Variants in RAP1GAP2 observed in about 807,000 individuals in gnomAD.
RAP1GAP2 encodes RAP1 GTPase activating protein 2.
In RAP1GAP2, 27 loss-of-function variants were observed where a neutral mutation model predicts 95.0. The observed-to-expected ratio is 0.28, with a 90% CI of 0.21 to 0.39. The LOEUF (loss-of-function observed/expected upper bound fraction) is 0.39. RAP1GAP2 is among the 10% of genes least tolerant of loss of function. The pLI is 1.00. For synonymous variants in RAP1GAP2, 373 were observed against 380.9 expected (o/e 0.98, Z 0.24); for missense variants, 771 against 970.0 (o/e 0.79, Z 2.72).
chr17:2,951,825 G>A (rs1464903415), intron 3 of RAP1GAP2, among the ~76,000 whole-genome samples: 1 of 152,128 alleles, frequency 6.6e-6, no homozygotes, highest in African/African-American at 2.4e-5. Flanking sequence ...TTTGAGGTCA[G>A]GAGTTCAAGA....
chr17:2,833,384 G>A (rs993268025), intron 2 of RAP1GAP2, among the ~76,000 whole-genome samples: 4 of 151,830 alleles, frequency 2.6e-5, no homozygotes, highest in African/African-American at 7.3e-5. Flanking sequence ...TGATCCACCC[G>A]CCTCAGCCTC....
intron 17 of RAP1GAP2, among the ~76,000 whole-genome samples, chr17:3,011,219 C>T (rs1229510598): frequency 2.6e-5 from 4 of 152,168 alleles, no homozygotes; most frequent in African/African-American, 7.2e-5. Context: ...TGAGCCACCG[C>T]GCCCGGCCAT....
intron 11 of RAP1GAP2, among the ~76,000 whole-genome samples, chr17:2,988,088 T>C (rs140424231): frequency 6.6e-6 from 1 of 152,208 alleles, no homozygotes; most frequent in African/African-American, 2.4e-5. Flanking sequence ...TGGGCGCCTA[T>C]AGTCCCAGCT....
chr17:2,839,404 A>G (rs1335476973), intron 2 of RAP1GAP2, among the ~76,000 whole-genome samples: 1 of 152,216 alleles, frequency 6.6e-6, no homozygotes, highest in Non-Finnish European at 1.5e-5. Context: ...AGTTCCCTAC[A>G]ACTTACATTA....
chr17:2,799,646 G>T (rs1178206960), intron 1 of RAP1GAP2, among the ~76,000 whole-genome samples: 1 of 152,174 alleles, frequency 6.6e-6, no homozygotes, highest in African/African-American at 2.4e-5. Flanking sequence ...GACAGTGATG[G>T]TGACACGAAT....
intron 11 of RAP1GAP2, among the ~76,000 whole-genome samples, chr17:2,988,669 G>A (rs1187929085): frequency 6.6e-6 from 1 of 152,176 alleles, no homozygotes; most frequent in African/African-American, 2.4e-5. Context: ...GTGAACATCT[G>A]TATATAGGTT....
intron 5 of RAP1GAP2, 32 bp downstream of exon 5, chr17:2,962,746 G>A (rs559110746): frequency 8.3e-6 from 13 of 1,570,262 alleles, no homozygotes; most frequent in South Asian, 2.3e-5. Flanking sequence ...GTGGCCAGAC[G>A]GCCCTGGTGA....
Position 2,800,720 on chromosome 17 carries a change from C to T in RAP1GAP2, c.80+170C>T, listed in dbSNP as rs1192031538. ...GGAGGAGGCTGGACTAACTCTTATT[C>T]CTGGGGTGTTCAGGGAGAGGTAGAG... On this transcript the variant is annotated intron_variant, in intron 2 of 24. Coordinates refer to ENST00000254695, the MANE Select transcript of RAP1GAP2 (RefSeq NM_015085.5). Among the ~76,000 whole-genome samples the T allele has an allele frequency of 3.3e-5, 5 of 152,262 alleles. No homozygotes were observed. The South Asian group carries it at 6.2e-4, about 19-fold the overall frequency.
chr17:2,878,773 G>C (rs2073181986), intron 2 of RAP1GAP2, among the ~76,000 whole-genome samples: 1 of 152,236 alleles, frequency 6.6e-6, no homozygotes. Flanking sequence ...GGGTATCCCT[G>C]CTGCCCAGGA....
intron 2 of RAP1GAP2, among the ~76,000 whole-genome samples, chr17:2,884,372 G>GTTTTTTT (rs72123618): frequency 1.6e-5 from 2 of 123,738 alleles, no homozygotes; most frequent in Non-Finnish European, 3.4e-5. Context: ...TTCTTGAGTT[G>GTTTTTTT]TTTTTTTTTT....
chr17:2,776,539 G>C (rs1397533216), upstream of RAP1GAP2, among the ~76,000 whole-genome samples: 1 of 151,980 alleles, frequency 6.6e-6, no homozygotes, highest in South Asian at 2.1e-4. Flanking sequence ...ACCGCCTCCC[G>C]GTGCCCGCCC....
intron 16 of RAP1GAP2, 147 bp downstream of exon 16, chr17:3,006,188 A>G (rs1415748331): frequency 1.7e-4 from 117 of 676,748 alleles, no homozygotes; most frequent in Non-Finnish European, 1.0e-4. Flanking sequence ...GTGCAGTGGC[A>G]TGATCTTGGG....
In RAP1GAP2 at chr17:3,037,380, T is replaced by G. The variant is rs1225502179; in HGVS notation, c.*4019T>G. 1 of 41,798 alleles carries G rather than the reference T, an allele frequency of 2.4e-5. No individual in the cohort carries two copies. Among genetic ancestry groups the G allele is most frequent in the South Asian group, 1.1e-3 (1 of 898 alleles). The allele number at this position is 41,798 out of a possible 1,614,324, so 2.6% of individuals were successfully genotyped here. A position where few individuals can be genotyped will look rare whatever the true frequency, so the allele number is the denominator to read the frequency against. On this transcript the variant is annotated 3_prime_UTR_variant, in exon 25 of 25. Transcript: ENST00000254695. ...GTGTGAACTACCCCCCCCCCCCCGC[T>G]TCCTGCTCCTTAGCATGCGTGCAGC... is the stretch of plus-strand genomic sequence containing the variant.
rs370929572 is a variant in RAP1GAP2, at chr17:2,995,365, G to A, written c.943G>A (p.Gly315Arg). The change falls in exon 13 of 25, where the codon GGA (glycine) becomes AGA (arginine). Residue 315 changes from glycine to arginine, a missense_variant. By Grantham distance (125) the Gly-to-Arg change is moderately radical. Transcript: ENST00000254695. The stretch of plus-strand genomic sequence containing the variant: ...CCGAGGAGGCCTGGACGTGACCCAC[G>A]GACAGACAGGGGTGGAATCAGTGTA... ...GFRGGLDVTHGQTGVESVYTT... is the reference protein window; with the variant it reads ...GFRGGLDVTHRQTGVESVYTT... 13 of 1,613,718 alleles carry A rather than the reference G, an allele frequency of 8.1e-6. No individual in the cohort carries two copies. The highest frequency in any genetic ancestry group is 2.2e-5 in the East Asian group (1 of 44,878).
At chr17:2,993,431 G>A (rs1006327998) in intron 12 of RAP1GAP2, among the ~76,000 whole-genome samples, 5 of 151,308 alleles carry the variant, frequency 3.3e-5, no homozygotes, top group African/African-American at 1.2e-4. Context: ...AAATTAGCCG[G>A]GCGTGGTGGC....
chr17:2,986,001 A>G (rs556417795), intron 11 of RAP1GAP2, among the ~76,000 whole-genome samples: 1 of 152,224 alleles, frequency 6.6e-6, no homozygotes, highest in East Asian at 1.9e-4. Context: ...TCATCTTTGT[A>G]TCATCTAAGA....
chr17:2,999,056 G>A (rs1189063725), intron 14 of RAP1GAP2, among the ~76,000 whole-genome samples: 1 of 152,178 alleles, frequency 6.6e-6, no homozygotes. Flanking sequence ...AAGACCTCCA[G>A]GGAGGCAGAT....
chr17:2,847,983 CA>C (rs1555552130), intron 2 of RAP1GAP2, among the ~76,000 whole-genome samples: 1 of 152,048 alleles, frequency 6.6e-6, no homozygotes, highest in Non-Finnish European at 1.5e-5. Flanking sequence ...AAATGAACTT[CA>C]AAAAAGGAAG....
intron 11 of RAP1GAP2, among the ~76,000 whole-genome samples, chr17:2,987,118 C>T (rs935910613): frequency 6.6e-6 from 1 of 152,252 alleles, no homozygotes; most frequent in Admixed American, 6.5e-5. Flanking sequence ...GGCCTGTCTG[C>T]GTTCCAATAA....
Sources: allele counts gnomAD v4.1 joint callset (sites outside exome capture counted in the v4.1 genomes callset), GRCh38; gene constraint gnomAD v4.1.1; transcripts MANE v1.5; gene names NCBI Gene and HGNC (gene_info 2026-07-23, HGNC 2026-07-21).